SEC16B: variants seen among roughly 807,000 people sequenced by gnomAD.
SEC16B encodes protein transport protein Sec16B.
A neutral mutation model predicts 141.8 loss-of-function variants in SEC16B; 115 were observed. The ratio of observed to expected loss-of-function variants is 0.81; its 90% CI spans 0.70 to 0.95. The LOEUF (loss-of-function observed/expected upper bound fraction) is 0.95. Ranked by LOEUF, SEC16B falls within the 40% of genes least tolerant of loss-of-function variation. SEC16B has a pLI of 0.00. For missense variants in SEC16B, 1,291 were observed against 1,312.3 expected (o/e 0.98, Z 0.25); for synonymous variants, 493 against 492.5 (o/e 1.00, Z -0.01).
At chr1:177,977,417 C>A (rs1490618246) in intron 1 of SEC16B, among the ~76,000 whole-genome samples, 1 of 152,182 alleles carries the variant, frequency 6.6e-6, no homozygotes, top group African/African-American at 2.4e-5. Flanking sequence ...CAACTACTCT[C>A]TATTGCTGGA....
At chr1:177,976,734 A>G (rs1002954978) in intron 1 of SEC16B, among the ~76,000 whole-genome samples, 2 of 152,240 alleles carry the variant, frequency 1.3e-5, no homozygotes, top group Non-Finnish European at 2.9e-5. Context: ...TGGAAATACC[A>G]TAAATTGCCT....
At chr1:177,957,406 G>T (rs1652693552) in intron 10 of SEC16B, among the ~76,000 whole-genome samples, 1 of 151,998 alleles carries the variant, frequency 6.6e-6, no homozygotes, top group African/African-American at 2.4e-5. Context: ...AGTTTAAAAA[G>T]AGAAATAAAC....
chr1:177,959,080 G>A (rs1652867296), intron 8 of SEC16B, 105 bp from the exon 9 acceptor site: 3 of 1,232,958 alleles, frequency 2.4e-6, no homozygotes, highest in Non-Finnish European at 3.5e-6. Flanking sequence ...GGCTGTGATT[G>A]AGATAGAAAT....
chr1:177,949,227 T>TCACATCGAACCATGAACTATATCCTGTGC (rs1651973707), intron 12 of SEC16B, among the ~76,000 whole-genome samples: 1 of 152,162 alleles, frequency 6.6e-6, no homozygotes, highest in Non-Finnish European at 1.5e-5. Flanking sequence ...TTCTCATGTG[T>TCACATCGAACCATGAACTATATCCTGTGC]CACATCGAAC....
chr1:177,971,600 T>A (rs902735790), upstream of SEC16B: 1 of 152,352 alleles, frequency 6.6e-6, no homozygotes, highest in Middle Eastern at 3.4e-3. Context: ...TCTTTTGGCA[T>A]ATAATGTGAC....
At chr1:177,946,595 G>A in intron 13 of SEC16B, 64 bp from the exon 14 acceptor site, 4 of 1,294,330 alleles carry the variant, frequency 3.1e-6, no homozygotes, top group Non-Finnish European at 4.3e-6. Context: ...CATCATCTGG[G>A]TGGGATGGGA....
Position 177,954,306 on chromosome 1 carries a change from G to T in SEC16B, c.1436C>A (p.Pro479Gln). The change falls in exon 11 of 26, where the codon CCA becomes CAA. Residue 479 changes from proline (P) to glutamine (Q), a missense_variant. Transcript: ENST00000308284. ...ACTCATGACCCAGCTGTAGGTCTGT[G>T]GGTCCATCTTGCTGGACAGGAACAA... ...HALFLSSKMD[P>Q]QTYSWVMSGF... 6.4e-7 allele frequency: 1 copy of T among 1,570,086 alleles called. No homozygotes were observed. The highest frequency in any genetic ancestry group is 2.4e-5 in the East Asian group (1 of 42,392).
chr1:177,952,358 T>A (rs533366504), intron 11 of SEC16B, among the ~76,000 whole-genome samples: 1 of 152,234 alleles, frequency 6.6e-6, no homozygotes, highest in South Asian at 2.1e-4. Context: ...CTCTTCTCCA[T>A]CGGCACCCCC....
rs1163230147 is a variant in SEC16B, at chr1:177,940,719, G to C, written c.2023-5C>G. 1 of 1,610,484 alleles carries C rather than the reference G, an allele frequency of 6.2e-7. No homozygotes were observed. Among genetic ancestry groups the C allele is most frequent in the East Asian group, 2.2e-5 (1 of 44,870 alleles). The stretch of plus-strand genomic sequence containing the variant: ...CAGCTTCAGTTTCTCTGCTAGCTGT[G>C]CCAGGTTTCCAGATGGGTTAGGGGC... On this transcript the variant is annotated splice_region_variant and splice_polypyrimidine_tract_variant and intron_variant, in intron 16 of 25. Transcript: ENST00000308284.
At chr1:177,943,947 G>A (rs1281685777) in intron 15 of SEC16B, among the ~76,000 whole-genome samples, 26 of 152,188 alleles carry the variant, frequency 1.7e-4, no homozygotes, top group Non-Finnish European at 2.2e-4. Flanking sequence ...AGCTCACAGA[G>A]GATTTAGACG....
chr1:177,952,586 A>C (rs1427325952), intron 11 of SEC16B, among the ~76,000 whole-genome samples: 1 of 152,234 alleles, frequency 6.6e-6, no homozygotes, highest in Non-Finnish European at 1.5e-5. Context: ...CAAGGATATA[A>C]TAAGCTCTAC....
chr1:177,932,726 C>A lies in SEC16B; in HGVS notation c.2904G>T (p.Pro968=). The change falls in exon 23 of 26, where the codon CCG becomes CCT. Residue 968 remains proline, a synonymous_variant. Transcript: ENST00000308284. ...TGCCCCTGGAGAAGGCACTAACATC[C>A]GGCAGAGGTGGGGACTCAGGGGAAG... is the stretch of plus-strand genomic sequence containing the variant. ...LTPSPESPPL[P]DVSAFSRGRG... 5.6e-6 allele frequency: 9 copies of A among 1,603,574 alleles called. No homozygotes were observed. Among genetic ancestry groups the A allele is most frequent in the Non-Finnish European group, 7.7e-6 (9 of 1,175,492 alleles).
intron 17 of SEC16B, 47 bp downstream of exon 17, chr1:177,940,563 G>T: frequency 7.2e-7 from 1 of 1,380,042 alleles, no homozygotes. Context: ...TGGGAAGAGG[G>T]AAACAAAGGC....
chr1:177,942,423 C>G (rs1186417698), intron 15 of SEC16B, among the ~76,000 whole-genome samples: 1 of 152,136 alleles, frequency 6.6e-6, no homozygotes, highest in Non-Finnish European at 1.5e-5. Context: ...TGGCTCATGC[C>G]TTGGGAGGCC....
Position 177,944,611 on chromosome 1 carries a change from C to T in SEC16B, c.1831G>A (p.Glu611Lys), listed in dbSNP as rs1263998413. Residue 611 changes from glutamate (E) to lysine (K), a missense_variant, in exon 15 of 26, where the codon GAG becomes AAG. This residue lies in a region of SEC16B where 605 missense variants were observed against 614.1 expected (regional missense o/e 0.99). Coordinates refer to ENST00000308284, the MANE Select transcript of SEC16B (RefSeq NM_033127.4). ...TEAIQRTEIF[E>K]YCQMLGRPKS... Reference sequence around the variant, plus strand: ...GGGCGGCCCAGCATCTGACAGTACTCGAAGATTTCCGTCCTCTGGATTGCC... The same window carrying T: ...GGGCGGCCCAGCATCTGACAGTACTTGAAGATTTCCGTCCTCTGGATTGCC... 1 of 1,613,822 alleles carries T rather than the reference C, an allele frequency of 6.2e-7. No homozygotes were observed. The highest frequency in any genetic ancestry group is 1.1e-5 in the South Asian group (1 of 91,058).
In SEC16B at chr1:177,930,581, C is replaced by T. The variant is rs1423976914; in HGVS notation, c.3075G>A (p.Gly1025=). The change falls in exon 25 of 26, where the codon GGG becomes GGA. Residue 1025 remains glycine, a synonymous_variant. Coordinates refer to ENST00000308284, the MANE Select transcript of SEC16B (RefSeq NM_033127.4). The part of the protein sequence containing the change: ...GVLLPPPALK[G]AVPLYNPSQV... Reference sequence around the variant, plus strand: ...GAGATGGGTTGTAAAGAGGAACAGCCCCTTTTAAGGCAGGTGGAGGAAGAA... The same window carrying T: ...GAGATGGGTTGTAAAGAGGAACAGCTCCTTTTAAGGCAGGTGGAGGAAGAA... 11 of 1,613,630 alleles carry T rather than the reference C, an allele frequency of 6.8e-6. No homozygotes were observed. The Admixed American group carries it at 1.5e-4, about 22-fold the overall frequency.
intron 15 of SEC16B, 71 bp downstream of exon 15, chr1:177,944,490 G>C (rs1195715991): frequency 7.8e-7 from 1 of 1,274,704 alleles, no homozygotes; most frequent in African/African-American, 1.5e-5. Context: ...GTGCCAAAAA[G>C]CAAAGCTGCA....
chr1:177,946,574 G>A (rs958373383), intron 13 of SEC16B, 43 bp from the exon 14 acceptor site: 41 of 1,447,814 alleles, frequency 2.8e-5, no homozygotes, highest in Admixed American at 6.0e-5. Flanking sequence ...GAGCACACCC[G>A]TATGGGGAGC....
At chr1:177,939,571 G>T in intron 18 of SEC16B, 131 bp downstream of exon 18, 1 of 730,832 alleles carries the variant, frequency 1.4e-6, no homozygotes, top group East Asian at 2.8e-5. Context: ...CCTGGACAAC[G>T]GGGCGGACTT....
Sources: gnomAD v4.1 joint callset for allele counts (sites outside exome capture counted in the v4.1 genomes callset) on GRCh38, gnomAD v4.1.1 for gene constraint, gnomAD v4.1.1 regional missense constraint, MANE v1.5 for transcripts, NCBI Gene and HGNC (gene_info 2026-07-23, HGNC 2026-07-21) for gene names.